The following GRIN2A variants were observed in gnomAD, a reference collection of about 807,000 sequenced individuals.
GRIN2A encodes the protein glutamate ionotropic receptor NMDA type subunit 2A.
GRIN2A carries 22 observed loss-of-function variants against 113.4 expected under a neutral mutation model. The ratio of observed to expected loss-of-function variants is 0.19; its 90% CI spans 0.14 to 0.28. The LOEUF (loss-of-function observed/expected upper bound fraction) is 0.28, where lower values mean the gene tolerates loss of function less well. Ranked by LOEUF, GRIN2A falls within the 10% of genes least tolerant of loss-of-function variation. GRIN2A has a pLI of 1.00. For missense variants in GRIN2A, 1,502 were observed against 1,887.0 expected (o/e 0.80, Z 3.78); for synonymous variants, 827 against 738.4 (o/e 1.12, Z -1.94).
At chr16:9,902,249 G>A (rs1476119232) in intron 3 of GRIN2A, among the ~76,000 whole-genome samples, 4 of 152,220 alleles carry the variant, frequency 2.6e-5, no homozygotes, top group Non-Finnish European at 4.4e-5. Flanking sequence ...TAGGAAGACA[G>A]AAGGTATGAT....
At chr16:9,971,004 A>G (rs573843863) in intron 2 of GRIN2A, among the ~76,000 whole-genome samples, 1 of 152,204 alleles carries the variant, frequency 6.6e-6, no homozygotes, top group Admixed American at 6.5e-5. Context: ...GAGAGGCAAG[A>G]CTGGGGGGAA....
rs2141124724 is a variant in GRIN2A at position 9,763,216 on chromosome 16, C to T, written c.4328G>A (p.Arg1443Lys). 1 of 1,613,970 alleles carries T rather than the reference C, an allele frequency of 6.2e-7. No homozygotes were observed. ...ANKNNMYSTPRVLNSCSNRRV... is the reference protein window; with the variant it reads ...ANKNNMYSTPKVLNSCSNRRV... Reference sequence around the variant, plus strand: ...TCTATTGCTGCAGGAATTTAAAACCCTGGGGGTAGAGTACATATTATTCTT... The same window carrying T: ...TCTATTGCTGCAGGAATTTAAAACCTTGGGGGTAGAGTACATATTATTCTT... The change falls in exon 13 of 13, where the codon AGG becomes AAG. Residue 1443 changes from arginine to lysine, a missense_variant. Physicochemically the swap from Arg to Lys is conservative, Grantham distance 26. This residue lies in a region of GRIN2A where 832 missense variants were observed against 789.7 expected (regional missense o/e 1.05). Coordinates refer to ENST00000330684, the MANE Select transcript of GRIN2A (RefSeq NM_001134407.3).
At chr16:9,797,689 CT>C (rs1903087579) in intron 11 of GRIN2A, among the ~76,000 whole-genome samples, 1 of 152,174 alleles carries the variant, frequency 6.6e-6, no homozygotes, top group Admixed American at 6.5e-5. Flanking sequence ...GAAATTGGGA[CT>C]GATTACAGCC....
chr16:9,763,618 CG>C lies in GRIN2A; in HGVS notation c.3925del (p.Arg1309GlyfsTer3). On this transcript the variant is annotated frameshift_variant, in exon 13 of 13. Transcript: ENST00000330684. LOFTEE classifies it high-confidence loss of function. The part of the protein sequence containing the change: ...PRELDLSRPS[R>X]SISLKDRERL... ...TTCCCTGTCCTTGAGGCTTATGCTC[CG>C]GGAGGGCCTGCTAAGGTCTAGCTCC... 6.2e-7 allele frequency: 1 copy of C among 1,613,320 alleles called. No homozygotes were observed. The highest frequency in any genetic ancestry group is 8.5e-7 in the Non-Finnish European group (1 of 1,179,978).
chr16:9,962,248 C>A (rs190383801), intron 2 of GRIN2A, among the ~76,000 whole-genome samples: 6 of 152,280 alleles, frequency 3.9e-5, no homozygotes, highest in African/African-American at 1.4e-4. Context: ...CAACAAAAGC[C>A]AAAATTCACA....
chr16:10,026,543 C>T (rs1454028753), intron 2 of GRIN2A, among the ~76,000 whole-genome samples: 1 of 139,660 alleles, frequency 7.2e-6, no homozygotes, highest in African/African-American at 3.0e-5. Context: ...TATCACTTCG[C>T]CCTCTGATTT....
At chr16:9,905,117 C>T (rs2044001646) in intron 3 of GRIN2A, among the ~76,000 whole-genome samples, 1 of 152,194 alleles carries the variant, frequency 6.6e-6, no homozygotes, top group African/African-American at 2.4e-5. Flanking sequence ...CATTGAACAT[C>T]TACTTTATGC....
chr16:10,119,990 G>T (rs1308299098), intron 2 of GRIN2A, among the ~76,000 whole-genome samples: 1 of 152,170 alleles, frequency 6.6e-6, no homozygotes, highest in Non-Finnish European at 1.5e-5. Context: ...CCATTGATGG[G>T]CGTTTAGGTG....
intron 2 of GRIN2A, among the ~76,000 whole-genome samples, chr16:9,947,312 C>T (rs2045042435): frequency 6.6e-6 from 1 of 152,184 alleles, no homozygotes; most frequent in Non-Finnish European, 1.5e-5. Flanking sequence ...CCACAACAGC[C>T]AAGACCAAGA....
intron 2 of GRIN2A, among the ~76,000 whole-genome samples, chr16:10,019,748 G>T (rs1418787805): frequency 6.6e-6 from 1 of 152,194 alleles, no homozygotes; most frequent in Non-Finnish European, 1.5e-5. Flanking sequence ...AGTGATCCTG[G>T]ATTCATCTTA....
At chr16:9,936,425 A>G (rs1194228204) in intron 3 of GRIN2A, among the ~76,000 whole-genome samples, 1 of 152,214 alleles carries the variant, frequency 6.6e-6, no homozygotes, top group African/African-American at 2.4e-5. Context: ...GGACGAGACA[A>G]GCTTTGAACC....
At chr16:10,079,129 G>C (rs1010310915) in intron 2 of GRIN2A, among the ~76,000 whole-genome samples, 1 of 152,170 alleles carries the variant, frequency 6.6e-6, no homozygotes, top group East Asian at 1.9e-4. Flanking sequence ...CTAGGTGTCA[G>C]GCACCATCTT....
Position 9,853,725 on chromosome 16 carries a change from A to AT in GRIN2A, c.1123-3765dup, listed in dbSNP as rs562339012. Reference sequence around the variant, plus strand: ...GATGGAAGCTTCTTTGCCTACTCCAATTTTTTTTTAATTATGGAAATGTTC... The same window carrying AT: ...GATGGAAGCTTCTTTGCCTACTCCAATTTTTTTTTTAATTATGGAAATGTTC... On this transcript the variant is annotated intron_variant, in intron 4 of 12. Coordinates refer to ENST00000330684, the MANE Select transcript of GRIN2A (RefSeq NM_001134407.3). 3.4e-3 allele frequency among the ~76,000 whole-genome samples: 518 copies of AT among 151,520 alleles called. 1 individual carries two copies. The highest frequency in any genetic ancestry group is 0.011 in the African/African-American group (447 of 41,342).
At chr16:10,054,219 T>C (rs1394598487) in intron 2 of GRIN2A, among the ~76,000 whole-genome samples, 2 of 151,978 alleles carry the variant, frequency 1.3e-5, no homozygotes, top group African/African-American at 4.8e-5. Flanking sequence ...AGGAAAAACA[T>C]TAAATGAATC....
chr16:9,893,289 T>C (rs2043734053), intron 3 of GRIN2A, among the ~76,000 whole-genome samples: 1 of 152,206 alleles, frequency 6.6e-6, no homozygotes. Flanking sequence ...ATGGGTATTT[T>C]TCATTTTTTT....
intron 2 of GRIN2A, among the ~76,000 whole-genome samples, chr16:10,012,285 A>T (rs2141871573): frequency 6.6e-6 from 1 of 152,368 alleles, no homozygotes. Flanking sequence ...CAATAAAAGC[A>T]TCACTTTTAA....
chr16:10,123,050 A>T (rs987726461), intron 2 of GRIN2A, among the ~76,000 whole-genome samples: 3 of 152,376 alleles, frequency 2.0e-5, no homozygotes, highest in Non-Finnish European at 4.4e-5. Context: ...TCAAATATAC[A>T]GCTAGCAATG....
chr16:9,810,698 C>G (rs1011432903), intron 10 of GRIN2A, among the ~76,000 whole-genome samples: 3 of 152,108 alleles, frequency 2.0e-5, no homozygotes, highest in African/African-American at 7.2e-5. Flanking sequence ...GGAGCAAGGC[C>G]CTGCTAACAC....
chr16:9,808,757 A>G (rs1426515542), intron 10 of GRIN2A, among the ~76,000 whole-genome samples: 1 of 152,140 alleles, frequency 6.6e-6, no homozygotes, highest in Non-Finnish European at 1.5e-5. Context: ...AAATAAATTG[A>G]CTACGTAAGT....
Sources: allele counts gnomAD v4.1 joint callset (sites outside exome capture counted in the v4.1 genomes callset), GRCh38; gene constraint gnomAD v4.1.1; regional missense constraint gnomAD v4.1.1; transcripts MANE v1.5; gene names NCBI Gene and HGNC (gene_info 2026-07-23, HGNC 2026-07-21).